The following FBXO34 variants were observed in gnomAD, a reference collection of about 807,000 sequenced individuals.
FBXO34 encodes F-box protein 34.
In FBXO34, 12 loss-of-function variants were observed where a neutral mutation model predicts 24.5. The ratio of observed to expected loss-of-function variants is 0.49; its 90% CI spans 0.31 to 0.79. The LOEUF (loss-of-function observed/expected upper bound fraction) is 0.79, where lower values mean the gene tolerates loss of function less well. Ranked by LOEUF, FBXO34 falls within the 30% of genes least tolerant of loss-of-function variation. FBXO34 has a pLI of 0.04. For synonymous variants in FBXO34, 320 were observed against 311.9 expected, an observed-to-expected ratio of 1.03 and a Z score of -0.27; for missense variants, 823 against 857.7, an observed-to-expected ratio of 0.96 and a Z score of 0.51.
At chr14:55,377,112 C>A in the FBXO34 span, among the ~76,000 whole-genome samples, 5 of 152,114 alleles carry the variant, frequency 3.3e-5, no homozygotes, top group Non-Finnish European at 5.9e-5. Flanking sequence ...TTTGGGAAGC[C>A]GAAGCGGGTG....
chr14:55,318,397 T>C (rs1883010827), intron 1 of FBXO34: 1 of 67,508 alleles, frequency 1.5e-5, no homozygotes. Flanking sequence ...TATATATATA[T>C]ATATATATAT....
At chr14:55,414,900 A>T in the FBXO34 span, among the ~76,000 whole-genome samples, 1 of 152,262 alleles carries the variant, frequency 6.6e-6, no homozygotes, top group African/African-American at 2.4e-5. Flanking sequence ...ATTTTAGTTT[A>T]AAATTCTAAA....
chr14:55,303,664 A>T (rs1375464606), intron 1 of FBXO34, among the ~76,000 whole-genome samples: 8 of 150,238 alleles, frequency 5.3e-5, no homozygotes, highest in Non-Finnish European at 7.4e-5. Context: ...TTTCTTTTTA[A>T]AAAAAAAACC....
chr14:55,331,279 G>T (rs1216076904), intron 1 of FBXO34, among the ~76,000 whole-genome samples: 1 of 151,920 alleles, frequency 6.6e-6, no homozygotes, highest in East Asian at 1.9e-4. Flanking sequence ...AATTTCTCTG[G>T]TAAAAATATA....
At chr14:55,380,654 G>C in the FBXO34 span, 4 of 1,612,014 alleles carry the variant, frequency 2.5e-6, no homozygotes, top group Admixed American at 6.7e-5. Context: ...GCACAGCGCA[G>C]CACTGATGGT....
the FBXO34 span, among the ~76,000 whole-genome samples, chr14:55,387,754 C>T: frequency 4.6e-5 from 7 of 151,908 alleles, no homozygotes; most frequent in South Asian, 2.1e-4. Flanking sequence ...CTGCAACCTC[C>T]GCCTCCCGGG....
At chr14:55,322,344 A>G (rs1883167582) in intron 1 of FBXO34, among the ~76,000 whole-genome samples, 1 of 151,908 alleles carries the variant, frequency 6.6e-6, no homozygotes, top group Non-Finnish European at 1.5e-5. Context: ...ACAAGCAACA[A>G]CAACAACAAA....
chr14:55,348,423 G>C (rs185621849), intron 1 of FBXO34, among the ~76,000 whole-genome samples: 1 of 152,280 alleles, frequency 6.6e-6, no homozygotes, highest in African/African-American at 2.4e-5. Context: ...TTAGAGATGA[G>C]GTCTTGCCGC....
At chr14:55,286,864 G>A (rs1263816023) in intron 1 of FBXO34, among the ~76,000 whole-genome samples, 1 of 151,216 alleles carries the variant, frequency 6.6e-6, no homozygotes, top group Non-Finnish European at 1.5e-5. Flanking sequence ...TCTTGGAGAT[G>A]GGACCCACAT....
the FBXO34 span, chr14:55,429,002 T>G: frequency 6.2e-7 from 1 of 1,612,116 alleles, no homozygotes; most frequent in Non-Finnish European, 8.5e-7. Context: ...TGTTTAAAGA[T>G]GTCTTAATCG....
downstream of FBXO34, among the ~76,000 whole-genome samples, chr14:55,364,532 C>T (rs1884637441): frequency 6.6e-6 from 1 of 151,994 alleles, no homozygotes; most frequent in Non-Finnish European, 1.5e-5. Context: ...TCATGTGATT[C>T]TCCCGCCTCA....
At chr14:55,358,890 C>G (rs1002826261) in intron 3 of FBXO34, among the ~76,000 whole-genome samples, 8 of 152,016 alleles carry the variant, frequency 5.3e-5, no homozygotes, top group African/African-American at 1.9e-4. Flanking sequence ...ACTACTGACA[C>G]GTGTAATAGA....
At chr14:55,375,490 ATT>A in the FBXO34 span, among the ~76,000 whole-genome samples, 656 of 117,814 alleles carry the variant, frequency 5.6e-3, 12 homozygotes, top group African/African-American at 0.021. Context: ...GCCGGGCTAA[ATT>A]TTTTTTTTTT....
intron 1 of FBXO34, chr14:55,339,383 C>G (rs1003628104): frequency 1.8e-5 from 2 of 109,076 alleles, no homozygotes; most frequent in East Asian, 5.6e-4. Flanking sequence ...CACCTGCCCC[C>G]CCCCCCAATC....
chr14:55,317,682 G>A (rs1882981356), intron 1 of FBXO34, among the ~76,000 whole-genome samples: 1 of 152,184 alleles, frequency 6.6e-6, no homozygotes, highest in Non-Finnish European at 1.5e-5. Flanking sequence ...GCCATGGTAA[G>A]ATATTTATAC....
chr14:55,325,536 C>T (rs2140034421), intron 1 of FBXO34, among the ~76,000 whole-genome samples: 1 of 152,028 alleles, frequency 6.6e-6, no homozygotes, highest in East Asian at 1.9e-4. Flanking sequence ...AGTGCAATGG[C>T]GCGATCTCGG....
the FBXO34 span, among the ~76,000 whole-genome samples, chr14:55,401,548 T>G: frequency 1.3e-5 from 2 of 152,232 alleles, no homozygotes; most frequent in African/African-American, 4.8e-5. Context: ...TTCACTAAAT[T>G]ATTCCATACT....
intron 1 of FBXO34, among the ~76,000 whole-genome samples, chr14:55,297,117 A>T (rs1882163356): frequency 6.6e-6 from 1 of 152,184 alleles, no homozygotes; most frequent in African/African-American, 2.4e-5. Context: ...AGAGAAGGGA[A>T]GATGGAGCCG....
At chr14:55,336,653 C>T (rs999105762) in intron 1 of FBXO34, among the ~76,000 whole-genome samples, 3 of 152,158 alleles carry the variant, frequency 2.0e-5, no homozygotes, top group African/African-American at 7.2e-5. Context: ...AGTTGATCAT[C>T]TCATAGCCAG....
Sources: allele counts gnomAD v4.1 joint callset (sites outside exome capture counted in the v4.1 genomes callset), GRCh38; gene constraint gnomAD v4.1.1; transcripts MANE v1.5; gene names NCBI Gene and HGNC (gene_info 2026-07-23, HGNC 2026-07-21).